The following SLC25A26 variants were observed in gnomAD, a reference collection of about 807,000 sequenced individuals.
SLC25A26 encodes solute carrier family 25 member 26.
In SLC25A26, 36 loss-of-function variants were observed where a neutral mutation model predicts 37.8. That is an observed-to-expected ratio of 0.95 (90% CI 0.73 to 1.26). The LOEUF (loss-of-function observed/expected upper bound fraction) is 1.26. SLC25A26 is among the 50% of genes most tolerant of loss of function. The pLI, the probability that SLC25A26 is intolerant of heterozygous loss-of-function variation, is 0.00. For missense variants in SLC25A26, 390 were observed against 331.1 expected, an observed-to-expected ratio of 1.18 and a Z score of -1.38; for synonymous variants, 129 against 122.5, an observed-to-expected ratio of 1.05 and a Z score of -0.35.
At chr3:66,289,178 G>GT (rs1433143931) in intron 5 of SLC25A26, among the ~76,000 whole-genome samples, 1 of 151,998 alleles carries the variant, frequency 6.6e-6, no homozygotes, top group Non-Finnish European at 1.5e-5. Flanking sequence ...GGGGTTGTTT[G>GT]TTTTTTTCTT....
chr3:66,220,840 G>A, upstream of SLC25A26: 1 of 556,660 alleles, frequency 1.8e-6, no homozygotes, highest in Non-Finnish European at 3.2e-6. Context: ...TGCACACAAC[G>A]CTGCTGCAGG....
chr3:66,293,381 A>T (rs78974441), intron 5 of SLC25A26, among the ~76,000 whole-genome samples: 12,619 of 151,728 alleles, frequency 0.083, 559 homozygotes, highest in Non-Finnish European at 0.096. Context: ...CTTTTTTTTT[A>T]AAATTTAAAT....
intron 5 of SLC25A26, among the ~76,000 whole-genome samples, chr3:66,344,952 C>T (rs2076286596): frequency 6.6e-6 from 1 of 152,166 alleles, no homozygotes. Flanking sequence ...ACCTCAGTCT[C>T]ATCAACTATA....
intron 6 of SLC25A26, among the ~76,000 whole-genome samples, chr3:66,353,157 C>G (rs147167263): frequency 6.6e-6 from 1 of 152,210 alleles, no homozygotes; most frequent in African/African-American, 2.4e-5. Flanking sequence ...GGTTGTCTTT[C>G]ACCTAGTTGC....
intron 1 of SLC25A26, among the ~76,000 whole-genome samples, chr3:66,175,140 T>TATATATACAC (rs1413714739): frequency 8.8e-4 from 59 of 66,960 alleles, no homozygotes; most frequent in African/African-American, 3.6e-3. Flanking sequence ...TATATATATA[T>TATATATACAC]ACACACACAC....
intron 5 of SLC25A26, among the ~76,000 whole-genome samples, chr3:66,268,195 T>G (rs985314888): frequency 2.0e-5 from 3 of 152,246 alleles, no homozygotes; most frequent in Non-Finnish European, 4.4e-5. Context: ...TGGTGGACAT[T>G]ACAGACATGC....
intron 6 of SLC25A26, among the ~76,000 whole-genome samples, chr3:66,359,500 T>C (rs1178995212): frequency 6.6e-6 from 1 of 152,246 alleles, no homozygotes; most frequent in Admixed American, 6.5e-5. Flanking sequence ...GGAGTAGCCT[T>C]CTACTCTTTG....
intron 1 of SLC25A26, among the ~76,000 whole-genome samples, chr3:66,232,049 A>G (rs1483784551): frequency 6.6e-6 from 1 of 152,196 alleles, no homozygotes; most frequent in Non-Finnish European, 1.5e-5. Context: ...TTATTATTAC[A>G]GAAATGCTGT....
intron 1 of SLC25A26, among the ~76,000 whole-genome samples, chr3:66,231,176 A>C (rs1019048578): frequency 2.0e-5 from 3 of 152,210 alleles, no homozygotes; most frequent in Non-Finnish European, 4.4e-5. Flanking sequence ...CTCCATCTCA[A>C]AAAATAAATT....
chr3:66,262,700 A>G (rs1225995487), intron 4 of SLC25A26, among the ~76,000 whole-genome samples: 7 of 152,168 alleles, frequency 4.6e-5, no homozygotes, highest in Admixed American at 4.6e-4. Context: ...GGAATTTTCA[A>G]AGAGTCTTGA....
At chr3:66,312,188 G>GC (rs1308316642) in intron 5 of SLC25A26, among the ~76,000 whole-genome samples, 47 of 152,318 alleles carry the variant, frequency 3.1e-4, no homozygotes, top group Admixed American at 2.7e-3. Flanking sequence ...GAGATGCCCT[G>GC]CCCAGTGAGG....
intron 6 of SLC25A26, among the ~76,000 whole-genome samples, chr3:66,355,740 G>A (rs760658227): frequency 2.6e-5 from 4 of 152,172 alleles, no homozygotes; most frequent in Non-Finnish European, 5.9e-5. Context: ...ATGTGCAAAA[G>A]CTACACAATA....
intron 6 of SLC25A26, among the ~76,000 whole-genome samples, chr3:66,358,600 C>T (rs547699504): frequency 6.5e-4 from 99 of 152,316 alleles, no homozygotes; most frequent in Non-Finnish European, 1.2e-3. Context: ...ATCCAGATCC[C>T]AGCTTTCCTA....
chr3:66,186,875 G>A (rs2070838440), intron 1 of SLC25A26, among the ~76,000 whole-genome samples: 1 of 151,948 alleles, frequency 6.6e-6, no homozygotes, highest in African/African-American at 2.4e-5. Context: ...CCTTAACCCT[G>A]ACCTGACCAT....
intron 1 of SLC25A26, among the ~76,000 whole-genome samples, chr3:66,208,900 G>A (rs1243342860): frequency 2.3e-4 from 14 of 60,066 alleles, no homozygotes; most frequent in African/African-American, 6.3e-4. Flanking sequence ...CTTTATATGG[G>A]TATATATATA....
chr3:66,249,446 GCATGGTGCA>G (rs1273884363), intron 3 of SLC25A26, among the ~76,000 whole-genome samples: 2 of 152,178 alleles, frequency 1.3e-5, no homozygotes, highest in Non-Finnish European at 2.9e-5. Context: ...CAGCTCCAGA[GCATGGTGCA>G]CATTTTACTG....
chr3:66,212,080 C>A (rs2071291342), intron 1 of SLC25A26, among the ~76,000 whole-genome samples: 1 of 152,284 alleles, frequency 6.6e-6, no homozygotes, highest in South Asian at 2.1e-4. Context: ...ATTCACATAA[C>A]TTTTGTTACA....
At chr3:66,351,725 G>A (rs2076458150) in intron 6 of SLC25A26, among the ~76,000 whole-genome samples, 2 of 152,124 alleles carry the variant, frequency 1.3e-5, no homozygotes, top group African/African-American at 4.8e-5. Context: ...CCACTTCTCA[G>A]TAAATAGCAA....
chr3:66,152,770 A>G (rs1395697430), intron 1 of SLC25A26, among the ~76,000 whole-genome samples: 1 of 152,170 alleles, frequency 6.6e-6, no homozygotes, highest in African/African-American at 2.4e-5. Context: ...ATATTGTCCT[A>G]GCTGGGTCCT....
Sources: gnomAD v4.1 joint callset for allele counts (sites outside exome capture counted in the v4.1 genomes callset) on GRCh38, gnomAD v4.1.1 for gene constraint, MANE v1.5 for transcripts, NCBI Gene and HGNC (gene_info 2026-07-23, HGNC 2026-07-21) for gene names.